DMD: variants seen among roughly 807,000 people sequenced by gnomAD.
DMD encodes dystrophin.
Under a neutral mutation model 330.1 loss-of-function variants are expected in DMD, and 63 were observed. The observed-to-expected ratio is 0.19, with a 90% CI of 0.16 to 0.24. The LOEUF (loss-of-function observed/expected upper bound fraction) is 0.24. Among genes scored for constraint, DMD ranks in the 10% least tolerant of loss-of-function variants. The pLI is 1.00. For missense variants in DMD, 3,344 were observed against 2,684.1 expected (o/e 1.25, Z -5.43); for synonymous variants, 1,223 against 959.8 (o/e 1.27, Z -5.07).
chrX:32,798,894 T>C (rs897770171), intron 7 of DMD, among the ~76,000 whole-genome samples: 7 of 111,639 alleles, frequency 6.3e-5, no homozygotes, highest in African/African-American at 2.3e-4. Flanking sequence ...CTCTCAATTT[T>C]AACCTGTGTA....
chrX:32,448,364 T>A, intron 27 of DMD, 92 bp downstream of exon 27: 1 of 1,039,124 alleles, frequency 9.6e-7, no homozygotes, highest in Non-Finnish European at 1.3e-6. Flanking sequence ...GCCAAAGTTG[T>A]TTTGCACTGG....
intron 2 of DMD, among the ~76,000 whole-genome samples, chrX:32,877,429 T>A (rs2083461324): frequency 8.9e-6 from 1 of 112,785 alleles, no homozygotes; most frequent in South Asian, 3.6e-4. Context: ...TTGTTTATAT[T>A]AGAAAATATT....
chrX:33,009,485 C>CAT (rs1163752428), intron 2 of DMD, among the ~76,000 whole-genome samples: 1 of 68,720 alleles, frequency 1.5e-5, no homozygotes, highest in Non-Finnish European at 2.6e-5. Context: ...TGTGTATACA[C>CAT]ATGTGTGTAT....
chrX:32,250,843 A>G (rs6653866), intron 43 of DMD, among the ~76,000 whole-genome samples: 2,458 of 111,582 alleles, frequency 0.022, 55 homozygotes, highest in African/African-American at 0.076. Flanking sequence ...CAGTCACTAA[A>G]TGCATTAAAA....
rs188729316 is a variant in DMD, at chrX:32,553,106, A to T, written c.1993-7772T>A. ...ATATAAATCCCTCAACCCTAAAGAC[A>T]CATGCACATGTATGTTTTATTGAAG... On this transcript the variant is annotated intron_variant, in intron 16 of 78. Transcript: ENST00000357033. Among the ~76,000 whole-genome samples, 54 of 112,003 alleles carry T rather than the reference A, an allele frequency of 4.8e-4. No individual in the cohort carries two copies. The Admixed American group carries it at 4.9e-3, about 10-fold the overall frequency.
intron 44 of DMD, among the ~76,000 whole-genome samples, chrX:32,046,612 A>G (rs2096066009): frequency 1.8e-5 from 2 of 112,271 alleles, no homozygotes; most frequent in East Asian, 2.8e-4. Flanking sequence ...ACATTAAGGC[A>G]AAAAGCCAAA....
At chrX:32,285,564 C>A (rs1603629950) in intron 43 of DMD, among the ~76,000 whole-genome samples, 1 of 111,680 alleles carries the variant, frequency 9.0e-6, no homozygotes, top group African/African-American at 3.3e-5. Context: ...CAGGCATGAG[C>A]CACCATTTTA....
chrX:32,726,963 G>A (rs970863111), intron 7 of DMD, among the ~76,000 whole-genome samples: 15 of 110,417 alleles, frequency 1.4e-4, no homozygotes, highest in African/African-American at 4.9e-4. Context: ...TAAAGGCTGT[G>A]GGTATTCATC....
intron 41 of DMD, among the ~76,000 whole-genome samples, chrX:32,331,645 C>G (rs2097680640): frequency 9.0e-6 from 1 of 111,129 alleles, no homozygotes; most frequent in Admixed American, 9.6e-5. Context: ...ATTACTGTAA[C>G]ATTAATTCAG....
At chrX:31,739,500 T>A (rs2087134561) in intron 51 of DMD, among the ~76,000 whole-genome samples, 1 of 110,901 alleles carries the variant, frequency 9.0e-6, no homozygotes, top group Non-Finnish European at 1.9e-5. Context: ...TTTTGGGGAG[T>A]TAAAAAAACT....
intron 45 of DMD, among the ~76,000 whole-genome samples, chrX:31,956,360 A>G (rs1481988117): frequency 8.9e-6 from 1 of 112,066 alleles, no homozygotes; most frequent in Non-Finnish European, 1.9e-5. Context: ...TAATTGATAC[A>G]GTGAAAGCTA....
At chrX:32,652,028 C>A (rs778127309) in intron 9 of DMD, among the ~76,000 whole-genome samples, 15 of 111,421 alleles carry the variant, frequency 1.3e-4, no homozygotes, top group Admixed American at 6.7e-4. Context: ...CTCCGATGCT[C>A]CAGTTAAGAA....
At chrX:31,972,310 G>C (rs1257776708) in intron 44 of DMD, among the ~76,000 whole-genome samples, 1 of 111,567 alleles carries the variant, frequency 9.0e-6, no homozygotes, top group Admixed American at 9.5e-5. Flanking sequence ...AGGAAACATA[G>C]GCAAAGAAAG....
chrX:31,677,279 C>T (rs960824482), intron 53 of DMD, among the ~76,000 whole-genome samples: 8 of 111,328 alleles, frequency 7.2e-5, no homozygotes, highest in African/African-American at 2.6e-4. Flanking sequence ...CTTACCATCA[C>T]TTTAGGATTT....
intron 7 of DMD, among the ~76,000 whole-genome samples, chrX:32,760,039 G>GA (rs2072064723): frequency 8.9e-6 from 1 of 111,879 alleles, no homozygotes; most frequent in South Asian, 3.7e-4. Flanking sequence ...AATCTGCATT[G>GA]AAAAATGGAA....
chrX:32,358,310 G>A (rs952673782), intron 37 of DMD, among the ~76,000 whole-genome samples: 1 of 110,349 alleles, frequency 9.1e-6, no homozygotes, highest in Non-Finnish European at 1.9e-5. Flanking sequence ...CTATACTTTT[G>A]TCTCCTATCA....
chrX:31,776,591 GGGAGGGAGGGAGGGAGGAA>G (rs1379500596), intron 50 of DMD, among the ~76,000 whole-genome samples: 4 of 96,993 alleles, frequency 4.1e-5, no homozygotes, highest in Non-Finnish European at 8.4e-5. Context: ...AAGAAAGTCA[GGGAGGGAGGGAGGGAGGAA>G]GGAGGGAGGG....
chrX:32,898,006 G>T (rs921102770), intron 2 of DMD, among the ~76,000 whole-genome samples: 3 of 112,168 alleles, frequency 2.7e-5, no homozygotes, highest in Admixed American at 9.5e-5. Context: ...CAAAAGCCAA[G>T]AATAAAATTG....
In DMD at chrX:31,729,766, C is replaced by A. The variant is rs1170710231; in HGVS notation, c.7543-18G>T. ...ATTGTTGCCTGTAAGAACAAATATC[C>A]CTTAGTATCAGGGTTCTTCAGCGTT... On this transcript the variant is annotated intron_variant, in intron 51 of 78. Transcript: ENST00000357033. 8.7e-7 allele frequency: 1 copy of A among 1,152,438 alleles called. No individual in the cohort carries two copies. The highest frequency in any genetic ancestry group is 3.0e-5 in the East Asian group (1 of 33,607). The allele number at this position is 1,152,438 out of a possible 1,213,427, so 95.0% of individuals were successfully genotyped here.
Sources: gnomAD v4.1 joint callset for allele counts (sites outside exome capture counted in the v4.1 genomes callset) on GRCh38, gnomAD v4.1.1 for gene constraint, MANE v1.5 for transcripts, NCBI Gene and HGNC (gene_info 2026-07-23, HGNC 2026-07-21) for gene names.